VAV2: variants seen among roughly 807,000 people sequenced by gnomAD.
VAV2 encodes vav guanine nucleotide exchange factor 2, also known as guanine nucleotide exchange factor VAV2.
VAV2 carries 67 observed loss-of-function variants against 132.5 expected under a neutral mutation model. The ratio of observed to expected loss-of-function variants is 0.51; its 90% CI spans 0.42 to 0.62. VAV2 has a LOEUF of 0.62. Among genes scored for constraint, VAV2 ranks in the 20% least tolerant of loss-of-function variants. The pLI, the probability that VAV2 is intolerant of heterozygous loss-of-function variation, is 0.00. For synonymous variants in VAV2, 492 were observed against 443.5 expected (o/e 1.11, Z -1.37); for missense variants, 938 against 1,153.6 (o/e 0.81, Z 2.71).
chr9:133,851,664 G>GTGGATGGGTGGA (rs1837172839), intron 3 of VAV2, among the ~76,000 whole-genome samples: 1 of 151,036 alleles, frequency 6.6e-6, no homozygotes, highest in Non-Finnish European at 1.5e-5. Flanking sequence ...GGACAGAAGG[G>GTGGATGGGTGGA]TGGATGGATG....
intron 29 of VAV2, among the ~76,000 whole-genome samples, chr9:133,765,546 G>A (rs1415856934): frequency 6.6e-6 from 1 of 152,220 alleles, no homozygotes; most frequent in Non-Finnish European, 1.5e-5. Flanking sequence ...TAAAAGTCAT[G>A]TAAGGCAGAG....
intron 2 of VAV2, among the ~76,000 whole-genome samples, chr9:133,916,238 G>A (rs1425956585): frequency 6.6e-6 from 1 of 152,236 alleles, no homozygotes; most frequent in African/African-American, 2.4e-5. Flanking sequence ...GGAGGAGGCG[G>A]ACAGGCAACA....
At position 133,783,548 on chromosome 9, in the gene VAV2, C is replaced by T. The variant is rs376689003; in HGVS notation, c.1678G>A (p.Gly560Arg). ...QGYMCTKCGVGAHKECLEVIP... is the reference protein window; with the variant it reads ...QGYMCTKCGVRAHKECLEVIP... ...ACTTCCAGGCACTCCTTGTGTGCCC[C>T]GACGCCACACTTGGTACACATGTAT... Residue 560 changes from glycine (G) to arginine (R), a missense_variant, in exon 19 of 30, where the codon GGG becomes AGG. Transcript: ENST00000371850. The T allele has an allele frequency of 1.2e-6, 2 of 1,613,822 alleles. No individual in the cohort carries two copies. Among genetic ancestry groups the T allele is most frequent in the African/African-American group, 1.3e-5 (1 of 74,858 alleles).
At chr9:133,977,107 G>A (rs528335755) in intron 1 of VAV2, among the ~76,000 whole-genome samples, 8 of 152,306 alleles carry the variant, frequency 5.3e-5, no homozygotes, top group Admixed American at 1.3e-4. Flanking sequence ...ACGCCCAGCC[G>A]CCCTGCCCCA....
At chr9:133,979,848 C>G (rs1842639172) in intron 1 of VAV2, among the ~76,000 whole-genome samples, 1 of 152,230 alleles carries the variant, frequency 6.6e-6, no homozygotes, top group Non-Finnish European at 1.5e-5. Flanking sequence ...GCCCTGTCAC[C>G]TCATCAGGGA....
intron 1 of VAV2, among the ~76,000 whole-genome samples, chr9:133,955,329 C>T (rs1841717007): frequency 6.6e-6 from 1 of 151,846 alleles, no homozygotes; most frequent in Non-Finnish European, 1.5e-5. Context: ...AGGCGAGGCT[C>T]CTGGCTGCGG....
chr9:133,796,397 A>AC (rs753981000), intron 11 of VAV2, 32 bp downstream of exon 11: 4 of 1,593,218 alleles, frequency 2.5e-6, no homozygotes, highest in Non-Finnish European at 3.4e-6. Context: ...AGCAGTGATG[A>AC]CCCCGCAGGC....
intron 2 of VAV2, among the ~76,000 whole-genome samples, chr9:133,861,804 A>G (rs529378907): frequency 6.6e-6 from 1 of 152,244 alleles, no homozygotes; most frequent in East Asian, 1.9e-4. Context: ...AAGGTACCAT[A>G]TTACTAAGTA....
rs1838676661 is a variant in VAV2, at chr9:133,885,702, A to G, written c.322-24270T>C. On this transcript the variant is annotated intron_variant, in intron 2 of 29. Transcript: ENST00000371850. The surrounding 1 kb of genome is among the most constrained non-coding windows in gnomAD (Gnocchi z 5.0). ...ATGACTGGACTCTGCATCTGGCCTC[A>G]CCAGGTGATGCTCAGCTGCCCCAAG... 1.3e-5 allele frequency among the ~76,000 whole-genome samples: 2 copies of G among 152,108 alleles called. No homozygotes were observed. Among genetic ancestry groups the G allele is most frequent in the Non-Finnish European group, 2.9e-5 (2 of 68,028 alleles).
intron 2 of VAV2, among the ~76,000 whole-genome samples, chr9:133,878,272 C>T (rs1051795592): frequency 6.6e-6 from 1 of 152,184 alleles, no homozygotes; most frequent in Non-Finnish European, 1.5e-5. Context: ...GCCGTAGGAG[C>T]CACACAAGGA....
chr9:133,981,762 G>T (rs995082049), intron 1 of VAV2, among the ~76,000 whole-genome samples: 2 of 152,194 alleles, frequency 1.3e-5, no homozygotes, highest in Non-Finnish European at 2.9e-5. Flanking sequence ...GCCACTCATC[G>T]TGTTTCCAAG....
intron 1 of VAV2, among the ~76,000 whole-genome samples, chr9:133,984,361 C>G (rs1588225379): frequency 1.3e-5 from 2 of 152,148 alleles, no homozygotes; most frequent in Non-Finnish European, 2.9e-5. Flanking sequence ...TGCCTGTAAT[C>G]CCAACACTTT....
chr9:133,809,425 C>T (rs1167323030), intron 6 of VAV2, among the ~76,000 whole-genome samples: 1 of 152,250 alleles, frequency 6.6e-6, no homozygotes, highest in African/African-American at 2.4e-5. Flanking sequence ...GCTCCTACTC[C>T]TCTGATTCTG....
At chr9:133,835,713 C>A (rs1005053314) in intron 3 of VAV2, among the ~76,000 whole-genome samples, 8 of 152,164 alleles carry the variant, frequency 5.3e-5, no homozygotes, top group Non-Finnish European at 1.2e-4. Context: ...CAGGGACGCG[C>A]GGTCCGTCCC....
chr9:133,871,126 AGATG>A (rs60199539), intron 2 of VAV2, among the ~76,000 whole-genome samples: 1 of 139,908 alleles, frequency 7.1e-6, no homozygotes, highest in African/African-American at 2.7e-5. Context: ...GTGGGTGAAC[AGATG>A]GATGGATGGA....
chr9:133,864,777 G>A (rs1203244465), intron 2 of VAV2, among the ~76,000 whole-genome samples: 2 of 152,214 alleles, frequency 1.3e-5, no homozygotes, highest in East Asian at 1.9e-4. Flanking sequence ...CCAGGAGCAC[G>A]TCCCAATTGT....
At chr9:133,874,505 C>T (rs1461880470) in intron 2 of VAV2, among the ~76,000 whole-genome samples, 9 of 152,222 alleles carry the variant, frequency 5.9e-5, no homozygotes, top group Admixed American at 3.3e-4. Context: ...GACCATGACA[C>T]AGATCTGCTG....
intron 1 of VAV2, among the ~76,000 whole-genome samples, chr9:133,981,670 G>T: frequency 6.6e-6 from 1 of 152,232 alleles, no homozygotes; most frequent in East Asian, 1.9e-4. Context: ...TTCAGACAAG[G>T]AGGTTGAGCT....
chr9:133,789,447 G>T, intron 13 of VAV2, 104 bp from the exon 14 acceptor site: 2 of 1,064,654 alleles, frequency 1.9e-6, no homozygotes, highest in Non-Finnish European at 2.8e-6. Context: ...ACTCCCCACA[G>T]GCAGCAGAGG....
Sources: gnomAD v4.1 joint callset for allele counts (sites outside exome capture counted in the v4.1 genomes callset) on GRCh38, gnomAD v4.1.1 for gene constraint, Gnocchi (gnomAD v3.1) non-coding constraint, MANE v1.5 for transcripts, NCBI Gene and HGNC (gene_info 2026-07-23, HGNC 2026-07-21) for gene names.